The following STARD13 variants were observed in gnomAD, a reference collection of about 807,000 sequenced individuals.
STARD13 encodes stAR-related lipid transfer protein 13.
STARD13 carries 62 observed loss-of-function variants against 106.4 expected under a neutral mutation model. That is an observed-to-expected ratio of 0.58 (90% CI 0.48 to 0.72). The LOEUF is 0.72. Ranked by LOEUF, STARD13 falls within the 30% of genes least tolerant of loss-of-function variation. STARD13 has a pLI of 0.00. For missense variants in STARD13, 1,387 were observed against 1,424.0 expected (o/e 0.97, Z 0.42); for synonymous variants, 565 against 553.0 (o/e 1.02, Z -0.31).
chr13:33,542,875 C>A, the STARD13 span, among the ~76,000 whole-genome samples: 2 of 152,214 alleles, frequency 1.3e-5, no homozygotes, highest in South Asian at 4.1e-4. Context: ...GGCACGCGCC[C>A]TTCTCTCGGA....
chr13:33,167,005 A>C (rs1184565194), intron 2 of STARD13, among the ~76,000 whole-genome samples: 2 of 151,484 alleles, frequency 1.3e-5, no homozygotes, highest in African/African-American at 4.9e-5. Context: ...AAAAAAAACA[A>C]AAAAAAAACC....
intron 1 of STARD13, among the ~76,000 whole-genome samples, chr13:33,215,075 T>G (rs975406529): frequency 1.6e-5 from 2 of 126,990 alleles, no homozygotes; most frequent in Admixed American, 2.1e-4. Context: ...TTTGCCCAGC[T>G]TAGAGGTAAG....
intron 1 of STARD13, among the ~76,000 whole-genome samples, chr13:33,335,741 C>T (rs745592): frequency 0.75 from 113,855 of 152,208 alleles, 43,492 homozygotes; most frequent in East Asian, 0.98. Context: ...CTCACAACTA[C>T]GGGGCTGCAT....
chr13:33,374,526 C>T, the STARD13 span, among the ~76,000 whole-genome samples: 3 of 152,072 alleles, frequency 2.0e-5, no homozygotes, highest in Non-Finnish European at 4.4e-5. Context: ...AAAATTAGTA[C>T]TAGAATATCT....
intron 8 of STARD13, chr13:33,117,825 A>G (rs925976746): frequency 5.1e-6 from 5 of 984,560 alleles, no homozygotes; most frequent in Non-Finnish European, 4.8e-6. Context: ...CATACACAAA[A>G]CTCTTTTGAG....
At chr13:33,653,831 C>T in the STARD13 span, among the ~76,000 whole-genome samples, 1 of 152,108 alleles carries the variant, frequency 6.6e-6, no homozygotes, top group Non-Finnish European at 1.5e-5. Flanking sequence ...AACTCTACAA[C>T]AAAGGGATGA....
intron 2 of STARD13, 133 bp from the exon 3 acceptor site, chr13:33,165,551 T>A: frequency 1.5e-6 from 1 of 683,562 alleles, no homozygotes; most frequent in Admixed American, 2.8e-5. Flanking sequence ...GTTGGGAATG[T>A]TTAAGAGAGC....
the STARD13 span, among the ~76,000 whole-genome samples, chr13:33,543,806 C>T: frequency 4.6e-5 from 7 of 152,206 alleles, no homozygotes; most frequent in East Asian, 3.9e-4. Flanking sequence ...GCTGTTGGTA[C>T]TAGGACCACA....
chr13:33,487,337 T>C, the STARD13 span, among the ~76,000 whole-genome samples: 1 of 152,212 alleles, frequency 6.6e-6, no homozygotes, highest in African/African-American at 2.4e-5. Context: ...TTCCCTGGGA[T>C]CTAGTTAGTC....
chr13:33,255,810 C>A (rs1890334165), intron 1 of STARD13, among the ~76,000 whole-genome samples: 1 of 152,152 alleles, frequency 6.6e-6, no homozygotes, highest in Non-Finnish European at 1.5e-5. Flanking sequence ...AGGGAAGAGA[C>A]CTCCAGGAGT....
the STARD13 span, among the ~76,000 whole-genome samples, chr13:33,409,529 A>C: frequency 2.8e-4 from 43 of 152,346 alleles, no homozygotes; most frequent in Admixed American, 6.5e-4. Context: ...CTCATCATGC[A>C]TCATAACGTT....
the STARD13 span, among the ~76,000 whole-genome samples, chr13:33,483,544 T>G: frequency 0.014 from 2,185 of 152,338 alleles, 57 homozygotes; most frequent in African/African-American, 0.047. Context: ...TCTGAGATTC[T>G]TTCTAAGGAA....
intron 1 of STARD13, among the ~76,000 whole-genome samples, chr13:33,199,024 G>T (rs186873649): frequency 2.0e-5 from 3 of 152,256 alleles, no homozygotes; most frequent in African/African-American, 7.2e-5. Context: ...GTCACGCTGA[G>T]GTTCACTCAT....
Position 33,234,372 on chromosome 13 carries a change from T to C in STARD13, c.169+51098A>G, listed in dbSNP as rs960979094. Among the ~76,000 whole-genome samples, 3 of 152,186 alleles carry C rather than the reference T, an allele frequency of 2.0e-5. No homozygotes were observed. The East Asian group carries it at 5.8e-4, about 29-fold the overall frequency. On this transcript the variant is annotated intron_variant, in intron 1 of 13. Coordinates refer to ENST00000336934, the MANE Select transcript of STARD13 (RefSeq NM_178006.4). ...TATTTTCAAAGGTAAGAACCAGCCTTCCTCTTCCTGTAACTCTGTGTCTTC... is the reference window on the plus strand; with the variant it reads ...TATTTTCAAAGGTAAGAACCAGCCTCCCTCTTCCTGTAACTCTGTGTCTTC...
the STARD13 span, among the ~76,000 whole-genome samples, chr13:33,583,346 A>G: frequency 6.6e-6 from 1 of 152,224 alleles, no homozygotes; most frequent in Non-Finnish European, 1.5e-5. Flanking sequence ...TATGCCAAGC[A>G]AGGATGATTA....
chr13:33,109,091 T>C (rs150606964), intron 12 of STARD13, among the ~76,000 whole-genome samples: 165 of 152,258 alleles, frequency 1.1e-3, no homozygotes, highest in African/African-American at 3.9e-3. Flanking sequence ...CATTTGGGAG[T>C]TTCACAATAG....
the STARD13 span, among the ~76,000 whole-genome samples, chr13:33,597,425 T>C: frequency 3.2e-4 from 49 of 152,246 alleles, no homozygotes; most frequent in African/African-American, 9.4e-4. Flanking sequence ...ATATTATTAC[T>C]AATCATTACT....
At chr13:33,653,077 A>T in the STARD13 span, among the ~76,000 whole-genome samples, 1 of 152,146 alleles carries the variant, frequency 6.6e-6, no homozygotes, top group African/African-American at 2.4e-5. Flanking sequence ...GAACAACTTA[A>T]TATTGTTAAG....
intron 1 of STARD13, among the ~76,000 whole-genome samples, chr13:33,265,641 C>A (rs1213011053): frequency 6.6e-6 from 1 of 152,046 alleles, no homozygotes; most frequent in African/African-American, 2.4e-5. Context: ...AATCTCCTTG[C>A]CACTCATATT....
Sources: gnomAD v4.1 joint callset for allele counts (sites outside exome capture counted in the v4.1 genomes callset) on GRCh38, gnomAD v4.1.1 for gene constraint, MANE v1.5 for transcripts, NCBI Gene and HGNC (gene_info 2026-07-23, HGNC 2026-07-21) for gene names.